SLC35F1: variants seen among roughly 807,000 people sequenced by gnomAD.
The protein encoded by SLC35F1 is chromosome 6 open reading frame 169.
A neutral mutation model predicts 48.7 loss-of-function variants in SLC35F1; 14 were observed. The observed-to-expected ratio is 0.29, with a 90% CI of 0.19 to 0.45. The LOEUF is 0.45. SLC35F1 is among the 20% of genes least tolerant of loss of function. The probability of loss-of-function intolerance (pLI) is 1.00; values close to 1 mark genes in which losing one functional copy is unlikely to be tolerated. For synonymous variants in SLC35F1, 190 were observed against 202.2 expected, an observed-to-expected ratio of 0.94 and a Z score of 0.51; for missense variants, 404 against 500.0, an observed-to-expected ratio of 0.81 and a Z score of 1.83.
intron 2 of SLC35F1, among the ~76,000 whole-genome samples, chr6:118,186,942 T>C (rs1203432734): frequency 6.6e-6 from 1 of 152,226 alleles, no homozygotes; most frequent in Non-Finnish European, 1.5e-5. Context: ...AAATTTTCTA[T>C]AGACTCCCAG....
In SLC35F1 at chr6:118,182,501, AG is replaced by A. The variant is rs1337818128; in HGVS notation, c.349+27882del. On this transcript the variant is annotated intron_variant, in intron 2 of 7. Transcript: ENST00000360388. ...AGTGAGACCCTGTCAAAAAAAAAAA[AG>A]AAAGAGAGAGAGAGAGAGAAGGAAG... Among the ~76,000 whole-genome samples, 5 of 142,422 alleles carry A rather than the reference AG, an allele frequency of 3.5e-5. No individual in the cohort carries two copies. The East Asian group carries it at 1.0e-3, about 29-fold the overall frequency. 93.4% of individuals were successfully genotyped at this position (142,422 alleles called of 152,430 possible). A position where few individuals can be genotyped will look rare whatever the true frequency, so the allele number is the denominator to read the frequency against.
rs147297930 is a variant in SLC35F1 at position 118,072,542 on chromosome 6, C to T, written c.174-81903C>T. Among the ~76,000 whole-genome samples, 435 of 151,620 alleles carry T rather than the reference C, an allele frequency of 2.9e-3. 2 individuals carry two copies. Among genetic ancestry groups the T allele is most frequent in the African/African-American group, 1.0e-2 (413 of 41,312 alleles). On this transcript the variant is annotated intron_variant, in intron 1 of 7. Coordinates refer to ENST00000360388, the MANE Select transcript of SLC35F1 (RefSeq NM_001029858.4). ...TCGTGCCACTGCACTCCAGCCTGGG[C>T]GACAGAGTGAGATTCTGCCTCAAAA...
chr6:118,202,488 C>A (rs1319707839), intron 2 of SLC35F1, among the ~76,000 whole-genome samples: 3 of 152,132 alleles, frequency 2.0e-5, no homozygotes, highest in Non-Finnish European at 2.9e-5. Flanking sequence ...CAGAGCAAGA[C>A]CCTGTCCCAA....
intron 2 of SLC35F1, among the ~76,000 whole-genome samples, chr6:118,218,159 G>A (rs1031282505): frequency 6.6e-6 from 1 of 152,148 alleles, no homozygotes; most frequent in Non-Finnish European, 1.5e-5. Context: ...AGTTAAGCAA[G>A]GAGAAGGGAG....
intron 1 of SLC35F1, among the ~76,000 whole-genome samples, chr6:117,941,922 T>C (rs1240745486): frequency 6.6e-6 from 1 of 152,226 alleles, no homozygotes; most frequent in African/African-American, 2.4e-5. Flanking sequence ...TCTAAGCAGA[T>C]ATTCTTCTTC....
intron 1 of SLC35F1, among the ~76,000 whole-genome samples, chr6:118,039,799 G>GTTTTTTTTTTTTTTTTTTT (rs149879230): frequency 3.7e-5 from 4 of 106,856 alleles, no homozygotes; most frequent in African/African-American, 6.5e-5. Flanking sequence ...TCTCAGGATT[G>GTTTTTTTTTTTTTTTTTTT]TTTTTTTTGT....
At chr6:118,039,681 C>A (rs1772183239) in intron 1 of SLC35F1, among the ~76,000 whole-genome samples, 1 of 150,894 alleles carries the variant, frequency 6.6e-6, no homozygotes, top group South Asian at 2.1e-4. Context: ...TTTAAAATAT[C>A]TGGTTTGGTC....
intron 1 of SLC35F1, among the ~76,000 whole-genome samples, chr6:118,123,241 C>T (rs1314983613): frequency 6.6e-6 from 1 of 152,100 alleles, no homozygotes; most frequent in Admixed American, 6.6e-5. Context: ...AAGGTGAAGG[C>T]AGTCACCCAG....
intron 1 of SLC35F1, among the ~76,000 whole-genome samples, chr6:118,008,301 A>G (rs1277794491): frequency 6.6e-6 from 1 of 151,826 alleles, no homozygotes; most frequent in Non-Finnish European, 1.5e-5. Context: ...AGCAGCGACT[A>G]TCACATTGTA....
At chr6:118,246,938 A>C (rs1403131841) in intron 3 of SLC35F1, among the ~76,000 whole-genome samples, 1 of 152,136 alleles carries the variant, frequency 6.6e-6, no homozygotes, top group Non-Finnish European at 1.5e-5. Context: ...TTATGCTCTC[A>C]AGCTTGCCTG....
Position 118,317,219 on chromosome 6 carries a change from G to A in SLC35F1, c.*2967G>A, listed in dbSNP as rs994454697. On this transcript the variant is annotated 3_prime_UTR_variant, in exon 8 of 8. Transcript: ENST00000360388. ...CTTCCTCAATGAAAACTTGCACTGG[G>A]GACAGCGCTTGCCTTGGTCAGACCT... 2 of 152,288 alleles carry A rather than the reference G, an allele frequency of 1.3e-5. No individual in the cohort carries two copies. Among genetic ancestry groups the A allele is most frequent in the African/African-American group, 4.8e-5 (2 of 41,390 alleles). The allele number at this position is 152,288 out of a possible 1,614,324, so 9.4% of individuals were successfully genotyped here.
intron 7 of SLC35F1, among the ~76,000 whole-genome samples, chr6:118,293,990 T>G (rs970131400): frequency 2.0e-5 from 3 of 152,204 alleles, no homozygotes; most frequent in Non-Finnish European, 4.4e-5. Flanking sequence ...GGCCAGTTAC[T>G]TATTCTCTCT....
chr6:118,211,480 C>G (rs959816106), intron 2 of SLC35F1, among the ~76,000 whole-genome samples: 2 of 152,168 alleles, frequency 1.3e-5, no homozygotes, highest in African/African-American at 4.8e-5. Flanking sequence ...ATACAATAGT[C>G]TTACTAGACC....
chr6:118,250,829 G>A (rs770744460), intron 3 of SLC35F1, among the ~76,000 whole-genome samples: 21 of 151,924 alleles, frequency 1.4e-4, no homozygotes, highest in Non-Finnish European at 1.8e-4. Flanking sequence ...ACAAAAAGCC[G>A]GACGTGGTGG....
At chr6:117,936,738 T>G (rs538322534) in intron 1 of SLC35F1, among the ~76,000 whole-genome samples, 99 of 152,170 alleles carry the variant, frequency 6.5e-4, no homozygotes, top group African/African-American at 2.3e-3. Flanking sequence ...TTAGAAAAAA[T>G]TACAGTTCTT....
At chr6:118,263,032 G>C (rs978621317) in intron 3 of SLC35F1, among the ~76,000 whole-genome samples, 2 of 152,048 alleles carry the variant, frequency 1.3e-5, no homozygotes, top group Non-Finnish European at 2.9e-5. Context: ...GTGCCTCCAT[G>C]TCTCTATCTT....
intron 1 of SLC35F1, among the ~76,000 whole-genome samples, chr6:118,074,128 G>A (rs1160661339): frequency 6.6e-6 from 1 of 152,136 alleles, no homozygotes; most frequent in Non-Finnish European, 1.5e-5. Context: ...ATTAAAAGTT[G>A]AGAAACTTGA....
chr6:118,130,324 T>G (rs1394990910), intron 1 of SLC35F1, among the ~76,000 whole-genome samples: 2 of 152,176 alleles, frequency 1.3e-5, no homozygotes, highest in Non-Finnish European at 2.9e-5. Flanking sequence ...AGGCGTGTGC[T>G]TCAGTTTCTT....
intron 2 of SLC35F1, among the ~76,000 whole-genome samples, chr6:118,185,001 C>T (rs1774636368): frequency 6.6e-6 from 1 of 152,164 alleles, no homozygotes; most frequent in African/African-American, 2.4e-5. Flanking sequence ...GGCTGCATAG[C>T]TCCTTCTTGT....
Sources: allele counts gnomAD v4.1 joint callset (sites outside exome capture counted in the v4.1 genomes callset), GRCh38; gene constraint gnomAD v4.1.1; transcripts MANE v1.5; gene names NCBI Gene and HGNC (gene_info 2026-07-23, HGNC 2026-07-21).